The following TNRC6C variants were observed in gnomAD, a reference collection of about 807,000 sequenced individuals.
The protein encoded by TNRC6C is trinucleotide repeat-containing gene 6C protein.
TNRC6C carries 20 observed loss-of-function variants against 153.7 expected under a neutral mutation model. The observed-to-expected ratio is 0.13, with a 90% CI of 0.09 to 0.19. The LOEUF is 0.19. Ranked by LOEUF, TNRC6C falls within the 10% of genes least tolerant of loss-of-function variation. The pLI is 1.00. For synonymous variants in TNRC6C, 811 were observed against 841.4 expected (o/e 0.96, Z 0.63); for missense variants, 1,987 against 2,172.0 (o/e 0.91, Z 1.69).
rs763527282 is a variant in TNRC6C, at chr17:78,050,771, C to T, written c.1709C>T (p.Thr570Ile). The change falls in exon 3 of 20, where the codon ACC becomes ATC. Residue 570 changes from threonine to isoleucine, a missense_variant. Around this residue, in one of 4 missense-constraint regions of TNRC6C, gnomAD observed 1,052 missense variants for 1,017.0 expected, o/e 1.03. Coordinates refer to ENST00000301624, the Ensembl canonical transcript of TNRC6C. ...GCAAATCAGGAGGACAAGTCACCCA[C>T]CTGGGGTGAGCCTCCAAAGCCCAAA... 5.0e-6 allele frequency: 8 copies of T among 1,603,906 alleles called. No individual in the cohort carries two copies. The East Asian group carries it at 1.3e-4, about 27-fold the overall frequency.
intron 3 of TNRC6C, among the ~76,000 whole-genome samples, chr17:78,054,529 CCACTGCAGAG>C (rs2072607614): frequency 6.6e-6 from 1 of 152,010 alleles, no homozygotes; most frequent in African/African-American, 2.4e-5. Flanking sequence ...CCACTGTATA[CCACTGCAGAG>C]CACTGTACAT....
chr17:78,064,600 A>G (rs935195040), intron 3 of TNRC6C, 122 bp from the exon 6 acceptor site: 2 of 925,836 alleles, frequency 2.2e-6, no homozygotes, highest in African/African-American at 3.4e-5. Flanking sequence ...TAAATTTTCT[A>G]CTAAAGGCTA....
exon 17 of TNRC6C, chr17:78,098,361 A>C: frequency 1.2e-6 from 2 of 1,612,204 alleles, no homozygotes; most frequent in Non-Finnish European, 1.7e-6. Context: ...TCAGACATCA[A>C]ATCGACGTGG....
At chr17:78,093,496 T>A in intron 15 of TNRC6C, 124 bp from the exon 18 acceptor site, 10 of 1,184,888 alleles carry the variant, frequency 8.4e-6, no homozygotes, top group African/African-American at 1.5e-5. Flanking sequence ...GTATAAGGTG[T>A]ACCTCTAATT....
intron 1 of TNRC6C, among the ~76,000 whole-genome samples, chr17:77,989,374 G>T (rs955276798): frequency 1.3e-5 from 2 of 152,154 alleles, no homozygotes; most frequent in Admixed American, 6.5e-5. Context: ...TACATGTATA[G>T]AATTTTTTGT....
intron 1 of TNRC6C, among the ~76,000 whole-genome samples, chr17:78,006,534 CTTCTTCTTCTTCTTCTTCTT>C (rs1387188465): frequency 5.7e-5 from 8 of 141,018 alleles, no homozygotes; most frequent in African/African-American, 2.0e-4. Context: ...TCTTCTTCTT[CTTCTTCTTCTTCTTCTTCTT>C]CTTCTTCCTT....
intron 1 of TNRC6C, among the ~76,000 whole-genome samples, chr17:78,015,405 C>G (rs540297524): frequency 9.9e-5 from 15 of 151,240 alleles, no homozygotes; most frequent in African/African-American, 3.7e-4. Context: ...ATGTCCCTCC[C>G]AGTTAGCATT....
intron 11 of TNRC6C, 121 bp downstream of exon 13, chr17:78,083,287 A>G: frequency 7.4e-7 from 1 of 1,346,758 alleles, no homozygotes; most frequent in Non-Finnish European, 1.0e-6. Flanking sequence ...TGAGACTCTC[A>G]TGAAGTATTT....
intron 1 of TNRC6C, among the ~76,000 whole-genome samples, chr17:77,966,824 T>C (rs1223221399): frequency 6.6e-6 from 1 of 152,220 alleles, no homozygotes; most frequent in Non-Finnish European, 1.5e-5. Flanking sequence ...AGATCTTATA[T>C]AACAGTCCCA....
intron 3 of TNRC6C, among the ~76,000 whole-genome samples, chr17:78,053,601 C>T (rs2072582472): frequency 1.3e-5 from 2 of 151,232 alleles, no homozygotes; most frequent in African/African-American, 4.9e-5. Flanking sequence ...TGCACTCCAG[C>T]CTGGGCGACA....
intron 3 of TNRC6C, among the ~76,000 whole-genome samples, chr17:78,062,592 G>A (rs2072790173): frequency 6.6e-6 from 1 of 152,180 alleles, no homozygotes; most frequent in Admixed American, 6.5e-5. Context: ...ACTGATACAA[G>A]CTGTCAACAT....
rs953891930 is a variant in TNRC6C, at chr17:78,038,174, G to A, written c.-219+6332G>A. Among the ~76,000 whole-genome samples the A allele has an allele frequency of 2.6e-5, 4 of 152,290 alleles. No homozygotes were observed. In the South Asian group the frequency reaches 8.3e-4, roughly 32 times the overall value. On this transcript the variant is annotated intron_variant, in intron 2 of 19. Coordinates refer to ENST00000301624, the Ensembl canonical transcript of TNRC6C. ...TGAAAAGAAAGACTGACAAGTTTGA[G>A]TGTATAAAAATTTAAAAGTTTTGTA...
intron 1 of TNRC6C, among the ~76,000 whole-genome samples, chr17:77,992,454 C>T (rs2071265712): frequency 2.0e-5 from 1 of 49,216 alleles, no homozygotes; most frequent in South Asian, 7.7e-4. Flanking sequence ...GTCGAGATCG[C>T]GCCACTGCAC....
chr17:77,992,282 G>A (rs1386184426), intron 1 of TNRC6C, among the ~76,000 whole-genome samples: 1 of 51,364 alleles, frequency 1.9e-5, no homozygotes, highest in East Asian at 5.7e-4. Flanking sequence ...GGCGGATCAC[G>A]AGGTCAGGAG....
At position 78,051,311 on chromosome 17, in the gene TNRC6C, C is replaced by A. The variant is rs766958610; in HGVS notation, c.2249C>A (p.Pro750Gln). 22 of 1,551,590 alleles carry A rather than the reference C, an allele frequency of 1.4e-5. No individual in the cohort carries two copies. The highest frequency in any genetic ancestry group is 1.4e-4 in the Admixed American group (7 of 50,942). Residue 750 changes from proline (P) to glutamine (Q), a missense_variant, in exon 3 of 20, where the codon CCG (proline) becomes CAG (glutamine). Pro to Gln is a moderately conservative substitution (Grantham distance 76). Around this residue, in one of 4 missense-constraint regions of TNRC6C, gnomAD observed 1,052 missense variants for 1,017.0 expected, o/e 1.03. Transcript: ENST00000301624. ...GTAAACATGTGGGATAGAAACAACC[C>A]GGTCATCCAGAGCAGTACCACGACC...
chr17:77,984,434 G>T (rs2071129667), intron 1 of TNRC6C, among the ~76,000 whole-genome samples: 1 of 152,066 alleles, frequency 6.6e-6, no homozygotes, highest in Non-Finnish European at 1.5e-5. Context: ...AGGCTAAGGT[G>T]GGAGGATCGC....
Position 78,029,227 on chromosome 17 carries a change from C to T in TNRC6C, c.-545-2289C>T, listed in dbSNP as rs116269464. 8.1e-3 allele frequency among the ~76,000 whole-genome samples: 1,227 copies of T among 152,260 alleles called. 19 individuals are homozygous for T. The highest frequency in any genetic ancestry group is 0.027 in the African/African-American group (1,135 of 41,538). Reference sequence around the variant, plus strand: ...TTGCTGACACTAAAATTCAGTAGTACGATCATACCTTGCTTGACAGAGAGA... The same window carrying T: ...TTGCTGACACTAAAATTCAGTAGTATGATCATACCTTGCTTGACAGAGAGA... On this transcript the variant is annotated intron_variant, in intron 1 of 19. Coordinates refer to ENST00000301624, the Ensembl canonical transcript of TNRC6C.
At chr17:78,025,083 G>A (rs1002577683) in intron 1 of TNRC6C, among the ~76,000 whole-genome samples, 2 of 152,124 alleles carry the variant, frequency 1.3e-5, no homozygotes, top group Non-Finnish European at 2.9e-5. Flanking sequence ...GAGTCACCGC[G>A]CCCGGCCAAT....
In TNRC6C at chr17:78,098,510, C is replaced by A. The variant is rs759799109; in HGVS notation, c.4474C>A (p.Leu1492Ile). 2.5e-6 allele frequency: 4 copies of A among 1,613,532 alleles called. No homozygotes were observed. In the East Asian group the frequency reaches 8.9e-5, roughly 36 times the overall value. ...CTCCTCCACCTGGGGTGCCAGCCCC[C>A]TCGGCTGGACCAGCTCCTACTCCTC... The change falls in exon 17 of 20, where the codon CTC becomes ATC. Residue 1492 changes from leucine (L) to isoleucine (I), a missense_variant. This residue lies in a region of TNRC6C where 765 missense variants were observed against 908.6 expected (regional missense o/e 0.84). Transcript: ENST00000301624.
Sources: allele counts gnomAD v4.1 joint callset (sites outside exome capture counted in the v4.1 genomes callset), GRCh38; gene constraint gnomAD v4.1.1; regional missense constraint gnomAD v4.1.1; transcripts MANE v1.5; gene names NCBI Gene and HGNC (gene_info 2026-07-23, HGNC 2026-07-21).